Variants in DAW1 observed in about 807,000 individuals in gnomAD.
DAW1 encodes the protein dynein assembly factor with WD repeats 1, also known as dynein assembly factor with WD repeat domains 1.
In DAW1, 47 loss-of-function variants were observed where a neutral mutation model predicts 56.5. That is an observed-to-expected ratio of 0.83 (90% CI 0.66 to 1.06). The LOEUF is 1.06. Ranked by LOEUF, DAW1 falls within the 50% of genes least tolerant of loss-of-function variation. The pLI is 0.00. For missense variants in DAW1, 505 were observed against 499.3 expected (o/e 1.01, Z -0.11); for synonymous variants, 190 against 179.0 (o/e 1.06, Z -0.49).
At chr2:227,873,981 G>C (rs1245956105) in intron 1 of DAW1, among the ~76,000 whole-genome samples, 1 of 152,190 alleles carries the variant, frequency 6.6e-6, no homozygotes, top group Non-Finnish European at 1.5e-5. Context: ...GCATCAGGCT[G>C]AGAGTATCTA....
intron 10 of DAW1, among the ~76,000 whole-genome samples, chr2:227,916,439 T>C (rs1444272661): frequency 6.6e-6 from 1 of 152,138 alleles, no homozygotes; most frequent in Non-Finnish European, 1.5e-5. Flanking sequence ...GGTAACTATG[T>C]ATGATGTTTA....
chr2:227,923,099 A>G (rs1256336378), intron 12 of DAW1, among the ~76,000 whole-genome samples: 2 of 152,250 alleles, frequency 1.3e-5, no homozygotes, highest in African/African-American at 4.8e-5. Flanking sequence ...CTCTTTGAAG[A>G]TACCACTGAT....
intron 10 of DAW1, among the ~76,000 whole-genome samples, chr2:227,913,100 A>G (rs948183085): frequency 3.9e-5 from 6 of 152,166 alleles, no homozygotes; most frequent in Admixed American, 6.5e-5. Context: ...CTATATCTGA[A>G]TCATCTCCTA....
At chr2:227,899,034 A>G (rs1254796006) in intron 6 of DAW1, among the ~76,000 whole-genome samples, 1 of 152,222 alleles carries the variant, frequency 6.6e-6, no homozygotes, top group Non-Finnish European at 1.5e-5. Context: ...CTGATACTCG[A>G]AACAGCTTTC....
chr2:227,896,492 G>A lies in DAW1; in HGVS notation c.441-1690G>A, dbSNP rs375116913. ...CGTGTCCAATCAGTTATCTTCGCCT[G>A]ATGATTTATGTATGCGTGAATGCAG... is the stretch of plus-strand genomic sequence containing the variant. On this transcript the variant is annotated intron_variant, in intron 5 of 12. Coordinates refer to ENST00000309931, the MANE Select transcript of DAW1 (RefSeq NM_178821.3). 1.1e-4 allele frequency among the ~76,000 whole-genome samples: 16 copies of A among 152,162 alleles called. No individual in the cohort carries two copies. The South Asian group carries it at 3.3e-3, about 32-fold the overall frequency.
chr2:227,885,173 G>A (rs1488496197), intron 1 of DAW1, among the ~76,000 whole-genome samples, 178 bp from the exon 2 acceptor site: 3 of 152,096 alleles, frequency 2.0e-5, no homozygotes, highest in African/African-American at 7.2e-5. Context: ...TAGAGGGAAG[G>A]ACCAGGGAAA....
At chr2:227,917,325 A>C (rs1691979211) in intron 10 of DAW1, among the ~76,000 whole-genome samples, 5 of 150,058 alleles carry the variant, frequency 3.3e-5, no homozygotes. Context: ...CAGTGGCACT[A>C]TCTCAGCTCA....
intron 4 of DAW1, among the ~76,000 whole-genome samples, chr2:227,893,440 C>T (rs911888605): frequency 7.2e-5 from 11 of 151,878 alleles, no homozygotes; most frequent in South Asian, 4.2e-4. Flanking sequence ...CTGAGGCAGG[C>T]GGGTCACTTA....
intron 5 of DAW1, among the ~76,000 whole-genome samples, chr2:227,896,744 A>T (rs558046599): frequency 6.6e-6 from 1 of 152,140 alleles, no homozygotes; most frequent in East Asian, 1.9e-4. Context: ...ACACATTGAC[A>T]TGAGAGATAT....
At position 227,877,376 on chromosome 2, in the gene DAW1, C is replaced by T. The variant is rs375119848; in HGVS notation, c.40+5647C>T. Among the ~76,000 whole-genome samples, 88 of 152,360 alleles carry T rather than the reference C, an allele frequency of 5.8e-4. No homozygotes were observed. In the East Asian group the frequency reaches 0.016, roughly 27 times the overall value. Reference sequence around the variant, plus strand: ...CCATGTTGGCCAGGCTGGTCTCAAACTTCTGAACTCAAGTGAGGCACTTGC... The same window carrying T: ...CCATGTTGGCCAGGCTGGTCTCAAATTTCTGAACTCAAGTGAGGCACTTGC... On this transcript the variant is annotated intron_variant, in intron 1 of 12. Coordinates refer to ENST00000309931, the MANE Select transcript of DAW1 (RefSeq NM_178821.3).
intron 10 of DAW1, among the ~76,000 whole-genome samples, chr2:227,909,031 G>T (rs1022917947): frequency 6.6e-6 from 1 of 151,982 alleles, no homozygotes; most frequent in Non-Finnish European, 1.5e-5. Flanking sequence ...AATTTACACT[G>T]TTTTTATCCT....
intron 6 of DAW1, among the ~76,000 whole-genome samples, chr2:227,900,351 T>C (rs1266193174): frequency 1.3e-5 from 2 of 152,208 alleles, no homozygotes; most frequent in Non-Finnish European, 2.9e-5. Context: ...TTTTTCACAG[T>C]CAACAACATC....
intron 10 of DAW1, 111 bp downstream of exon 10, chr2:227,907,363 A>T: frequency 1.2e-6 from 1 of 823,110 alleles, no homozygotes. Flanking sequence ...TATGATAAAA[A>T]ACCATGTCTC....
At chr2:227,899,746 C>T (rs750938500) in intron 6 of DAW1, among the ~76,000 whole-genome samples, 9 of 152,246 alleles carry the variant, frequency 5.9e-5, no homozygotes, top group Admixed American at 1.3e-4. Flanking sequence ...TGTGAATAGT[C>T]GGTGACAGCC....
At chr2:227,920,225 T>G (rs1409462316) in intron 11 of DAW1, among the ~76,000 whole-genome samples, 1 of 152,226 alleles carries the variant, frequency 6.6e-6, no homozygotes, top group Admixed American at 6.5e-5. Flanking sequence ...ACATATTACT[T>G]ATTGAATTGG....
chr2:227,894,811 T>A (rs182524494), intron 5 of DAW1, among the ~76,000 whole-genome samples: 1 of 152,340 alleles, frequency 6.6e-6, no homozygotes, highest in Admixed American at 6.5e-5. Flanking sequence ...GCAGTGAACA[T>A]ACCCGCCGGA....
chr2:227,906,305 A>G lies in DAW1; in HGVS notation c.825A>G (p.Leu275=), dbSNP rs142413038. The G allele has an allele frequency of 9.3e-6, 15 of 1,612,564 alleles. No individual in the cohort carries two copies. The highest frequency in any genetic ancestry group is 1.3e-5 in the Non-Finnish European group (15 of 1,179,126). ...SSASFNWDCS[L]ILTGSMDKTC... Reference sequence around the variant, plus strand: ...CCTCATTCAATTGGGATTGCTCTCTAATATTAACTGGCTCTATGGACAAAA... The same window carrying G: ...CCTCATTCAATTGGGATTGCTCTCTGATATTAACTGGCTCTATGGACAAAA... The change falls in exon 9 of 13, where the codon CTA becomes CTG. Residue 275 remains leucine, a synonymous_variant. Coordinates refer to ENST00000309931, the MANE Select transcript of DAW1 (RefSeq NM_178821.3).
At chr2:227,915,637 T>G (rs1574671589) in intron 10 of DAW1, among the ~76,000 whole-genome samples, 1 of 152,254 alleles carries the variant, frequency 6.6e-6, no homozygotes, top group East Asian at 1.9e-4. Flanking sequence ...TAACATACCC[T>G]GTCTGTAGTA....
chr2:227,904,152 A>G (rs1691622633), intron 7 of DAW1, among the ~76,000 whole-genome samples: 2 of 152,138 alleles, frequency 1.3e-5, no homozygotes. Context: ...CAGAGAGTGA[A>G]TTTGTTTTGC....
Sources: allele counts gnomAD v4.1 joint callset (sites outside exome capture counted in the v4.1 genomes callset), GRCh38; gene constraint gnomAD v4.1.1; transcripts MANE v1.5; gene names NCBI Gene and HGNC (gene_info 2026-07-23, HGNC 2026-07-21).